The following ACER1 variants were observed in gnomAD, a reference collection of about 807,000 sequenced individuals.
ACER1 encodes the protein alkaline ceramidase 1.
A neutral mutation model predicts 24.9 loss-of-function variants in ACER1; 28 were observed. The observed-to-expected ratio is 1.13, with a 90% CI of 0.83 to 1.54. The LOEUF (loss-of-function observed/expected upper bound fraction) is 1.54. Ranked by LOEUF, ACER1 falls within the 40% of genes most tolerant of loss-of-function variation. The pLI is 0.00. For missense variants in ACER1, 352 were observed against 349.3 expected (o/e 1.01, Z -0.06); for synonymous variants, 132 against 131.4 (o/e 1.00, Z -0.03).
At chr19:6,309,860 G>A in intron 3 of ACER1, 26 bp from the exon 4 acceptor site, 1 of 1,613,398 alleles carries the variant, frequency 6.2e-7, no homozygotes, top group Non-Finnish European at 8.5e-7. Flanking sequence ...CTCAGCTGTA[G>A]GCGGGAAGGG....
the ACER1 span, among the ~76,000 whole-genome samples, chr19:6,347,340 C>T: frequency 0.11 from 16,029 of 150,220 alleles, 1,195 homozygotes; most frequent in East Asian, 0.39. Context: ...CCCACCTCAG[C>T]CTCGTTAGTG....
At position 6,309,842 on chromosome 19, in the gene ACER1, G is replaced by A; in HGVS notation, c.351-8C>T. 4 of 1,613,934 alleles carry A rather than the reference G, an allele frequency of 2.5e-6. No homozygotes were observed. Among genetic ancestry groups the A allele is most frequent in the Non-Finnish European group, 3.4e-6 (4 of 1,179,938 alleles). On this transcript the variant is annotated splice_polypyrimidine_tract_variant and splice_region_variant and intron_variant, in intron 3 of 5. Transcript: ENST00000301452. ...AGGCGGATGAACTGGGACCTGGGGA[G>A]GAAGGGGCTCAGCTGTAGGCGGGAA...
chr19:6,345,321 C>T, the ACER1 span, among the ~76,000 whole-genome samples: 17 of 152,280 alleles, frequency 1.1e-4, no homozygotes, highest in African/African-American at 3.6e-4. Context: ...AGCTTTTTGT[C>T]ACCCAGGACC....
the ACER1 span, among the ~76,000 whole-genome samples, chr19:6,359,313 G>A: frequency 6.9e-6 from 1 of 145,082 alleles, no homozygotes; most frequent in African/African-American, 2.7e-5. Context: ...CTCTGAATCT[G>A]CTGTGATTTT....
the ACER1 span, among the ~76,000 whole-genome samples, chr19:6,339,157 A>C: frequency 1.3e-5 from 2 of 150,516 alleles, no homozygotes; most frequent in Non-Finnish European, 3.0e-5. Flanking sequence ...GATTACAGGC[A>C]TGAGCCACCG....
chr19:6,359,765 C>G, the ACER1 span, among the ~76,000 whole-genome samples: 4 of 152,202 alleles, frequency 2.6e-5, no homozygotes, highest in Non-Finnish European at 5.9e-5. Flanking sequence ...AAACTGAGCA[C>G]TTTTTACACA....
At chr19:6,358,471 A>T in the ACER1 span, among the ~76,000 whole-genome samples, 1 of 152,040 alleles carries the variant, frequency 6.6e-6, no homozygotes, top group Non-Finnish European at 1.5e-5. Flanking sequence ...AATTATTCTT[A>T]TCTAGGGTAC....
chr19:6,308,291 C>T (rs1206668468), intron 4 of ACER1, among the ~76,000 whole-genome samples: 5 of 151,524 alleles, frequency 3.3e-5, no homozygotes, highest in South Asian at 2.1e-4. Flanking sequence ...AAAAATTAGC[C>T]GGGCGTGGTG....
intron 1 of ACER1, among the ~76,000 whole-genome samples, chr19:6,331,400 C>T (rs1420837928): frequency 4.0e-5 from 6 of 148,918 alleles, no homozygotes; most frequent in Middle Eastern, 6.9e-3. Flanking sequence ...CCACCCCCCT[C>T]GGCCTCCCAA....
intron 2 of ACER1, 21 bp from the exon 3 acceptor site, chr19:6,312,311 G>A (rs376683009): frequency 3.0e-5 from 49 of 1,613,710 alleles, no homozygotes; most frequent in East Asian, 8.9e-5. Flanking sequence ...AAGGGCAGGC[G>A]GTCAGTGGGG....
At chr19:6,312,590 C>T (rs1348966980) in intron 1 of ACER1, 91 bp from the exon 2 acceptor site, 11 of 952,946 alleles carry the variant, frequency 1.2e-5, no homozygotes, top group South Asian at 2.7e-5. Flanking sequence ...ACCAGCCAGT[C>T]GGTTACCTGC....
At chr19:6,329,897 G>A (rs2091679272) in intron 1 of ACER1, among the ~76,000 whole-genome samples, 2 of 149,170 alleles carry the variant, frequency 1.3e-5, no homozygotes, top group Admixed American at 1.3e-4. Context: ...TTGAGATGGA[G>A]TCTTGCTCTG....
At chr19:6,344,808 G>A in the ACER1 span, among the ~76,000 whole-genome samples, 1 of 149,210 alleles carries the variant, frequency 6.7e-6, no homozygotes, top group Non-Finnish European at 1.5e-5. Context: ...ATCCTCTTGT[G>A]AAGATATATT....
upstream of ACER1, among the ~76,000 whole-genome samples, chr19:6,335,692 G>T (rs186407318): frequency 4.6e-3 from 702 of 151,736 alleles, 5 homozygotes; most frequent in African/African-American, 0.016. Context: ...GTAGCTGGGC[G>T]TGATGGTGGG....
rs540033558 is a variant in ACER1, at chr19:6,323,217, G to A, written c.93+10242C>T. On this transcript the variant is annotated intron_variant, in intron 1 of 5. Transcript: ENST00000301452. ...AGGCAGATCACGAAGTCAGGAGATA[G>A]AGACCATCATGGCTAACACAGTGAA... Among the ~76,000 whole-genome samples the A allele has an allele frequency of 1.3e-4, 20 of 152,134 alleles. No individual in the cohort carries two copies. In the South Asian group the frequency reaches 2.3e-3, roughly 17 times the overall value.
At chr19:6,319,356 C>G (rs757956767) in intron 1 of ACER1, among the ~76,000 whole-genome samples, 11 of 152,148 alleles carry the variant, frequency 7.2e-5, no homozygotes, top group Admixed American at 1.3e-4. Flanking sequence ...TTCCCTGCTT[C>G]TCATCCCACC....
In ACER1 at chr19:6,333,473, C is replaced by A; in HGVS notation, c.79G>T (p.Glu27Ter). The part of the protein sequence containing the change: ...SNFQYSELVA[E>*]FYNTFSNIPF... ...CACGCACTCACCGTGTTGTAGAACT[C>A]GGCCACCAGCTCCGAGTACTGGAAG... The change falls in exon 1 of 6, where the codon GAG (glutamate) becomes TAG (stop). Residue 27 changes from glutamate (E) to a stop codon, truncating the protein, a stop_gained. Coordinates refer to ENST00000301452, the MANE Select transcript of ACER1 (RefSeq NM_133492.3). LOFTEE classifies it high-confidence loss of function. 6.3e-7 allele frequency: 1 copy of A among 1,590,870 alleles called. No homozygotes were observed. Among genetic ancestry groups the A allele is most frequent in the Non-Finnish European group, 8.6e-7 (1 of 1,167,878 alleles).
intron 1 of ACER1, among the ~76,000 whole-genome samples, chr19:6,324,528 C>T (rs1410878301): frequency 4.2e-4 from 63 of 150,366 alleles, no homozygotes; most frequent in African/African-American, 1.4e-3. Flanking sequence ...GAGGCCGAGG[C>T]GGGCAGATCA....
the ACER1 span, among the ~76,000 whole-genome samples, chr19:6,355,549 G>A: frequency 9.9e-5 from 15 of 151,500 alleles, 1 homozygote; most frequent in African/African-American, 3.4e-4. Flanking sequence ...GTCTCTGCCC[G>A]ACAGCCACCC....
Sources: gnomAD v4.1 joint callset for allele counts (sites outside exome capture counted in the v4.1 genomes callset) on GRCh38, gnomAD v4.1.1 for gene constraint, MANE v1.5 for transcripts, NCBI Gene and HGNC (gene_info 2026-07-23, HGNC 2026-07-21) for gene names.